PTPN18: variants seen among roughly 807,000 people sequenced by gnomAD.
PTPN18 encodes the protein protein tyrosine phosphatase non-receptor type 18.
Under a neutral mutation model 65.4 loss-of-function variants are expected in PTPN18, and 65 were observed. The observed-to-expected ratio is 0.99, with a 90% CI of 0.81 to 1.22. PTPN18 has a LOEUF of 1.22. PTPN18 is among the 50% of genes most tolerant of loss of function. The pLI is 0.00. For missense variants in PTPN18, 616 were observed against 646.5 expected, an observed-to-expected ratio of 0.95 and a Z score of 0.51; for synonymous variants, 255 against 267.8, an observed-to-expected ratio of 0.95 and a Z score of 0.47.
chr2:130,363,605 T>C (rs1680294812), intron 5 of PTPN18, among the ~76,000 whole-genome samples: 1 of 152,220 alleles, frequency 6.6e-6, no homozygotes, highest in Admixed American at 6.5e-5. Flanking sequence ...TATGTAGCCT[T>C]TTTTTGCTTA....
intron 13 of PTPN18, 62 bp from the exon 14 acceptor site, chr2:130,372,811 G>T (rs927205658): frequency 6.3e-7 from 1 of 1,582,648 alleles, no homozygotes; most frequent in African/African-American, 1.4e-5. Context: ...CCCGCTAGGG[G>T]TGGGGTCTTG....
At chr2:130,358,606 G>C (rs1680070395) in intron 1 of PTPN18, among the ~76,000 whole-genome samples, 1 of 152,052 alleles carries the variant, frequency 6.6e-6, no homozygotes, top group Non-Finnish European at 1.5e-5. Flanking sequence ...CTGCACAATG[G>C]GGACGTCAAT....
rs763372755 is a variant in PTPN18, at chr2:130,369,840, GGGA to G, written c.546+22_546+24del. On this transcript the variant is annotated intron_variant, in intron 7 of 14. Coordinates refer to ENST00000175756, the MANE Select transcript of PTPN18 (RefSeq NM_014369.4). ...CACATTCCAGAAGGTACTGTGACAG[GGGA>G]GGAGGAGGTAAAGGGGCTCCTGAAA... 2 of 1,583,392 alleles carry G rather than the reference GGGA, an allele frequency of 1.3e-6. No homozygotes were observed. Among genetic ancestry groups the G allele is most frequent in the Admixed American group, 1.7e-5 (1 of 59,804 alleles).
chr2:130,370,579 G>A lies in PTPN18; in HGVS notation c.712G>A (p.Val238Ile), dbSNP rs779911721. ...HCSAGCGRTG[V>I]LCTVDYVRQL... ...CAGTGCGGGTTGTGGGCGAACAGGC[G>A]TCCTGTGCACCGTGGATTATGTGAG... The change falls in exon 9 of 15, where the codon GTC becomes ATC. Residue 238 changes from valine (V) to isoleucine (I), a missense_variant. By Grantham distance (29) the Val-to-Ile change is conservative. Coordinates refer to ENST00000175756, the MANE Select transcript of PTPN18 (RefSeq NM_014369.4). 1.2e-5 allele frequency: 20 copies of A among 1,613,988 alleles called. No individual in the cohort carries two copies. Among genetic ancestry groups the A allele is most frequent in the Admixed American group, 1.7e-5 (1 of 59,994 alleles).
chr2:130,370,412 C>A, intron 8 of PTPN18, 145 bp from the exon 9 acceptor site: 1 of 1,172,894 alleles, frequency 8.5e-7, no homozygotes, highest in Non-Finnish European at 1.2e-6. Context: ...AAAAGGTTTT[C>A]CTTGTTCAGA....
Position 130,374,981 on chromosome 2 carries a change from A to T in PTPN18, c.*1757A>T, listed in dbSNP as rs942694504. The T allele has an allele frequency of 3.9e-6, 1 of 258,702 alleles. No homozygotes were observed. The highest frequency in any genetic ancestry group is 7.9e-6 in the Non-Finnish European group (1 of 126,956). 16.0% of individuals were successfully genotyped at this position (258,702 alleles called of 1,614,324 possible). On this transcript the variant is annotated 3_prime_UTR_variant, in exon 15 of 15. Transcript: ENST00000175756. ...CTTGGGTTTGGGTGCCCACAGTGGG[A>T]GCTGGTGTGATATCATACCTTCGCC...
At position 130,358,884 on chromosome 2, in the gene PTPN18, G is replaced by A. The variant is rs749288856; in HGVS notation, c.111G>A (p.Ser37=). The change falls in exon 2 of 15, where the codon TCG becomes TCA. Residue 37 remains serine, a synonymous_variant. Coordinates refer to ENST00000175756, the MANE Select transcript of PTPN18 (RefSeq NM_014369.4). The part of the protein sequence containing the change: ...AGEFSDIQAC[S]AAWKADGVCS... The stretch of plus-strand genomic sequence containing the variant: ...TCTACCAGGACATCCAGGCCTGCTC[G>A]GCCGCCTGGAAGGCTGACGGCGTGT... 25 of 1,613,198 alleles carry A rather than the reference G, an allele frequency of 1.5e-5. No homozygotes were observed. Among genetic ancestry groups the A allele is most frequent in the Admixed American group, 1.0e-4 (6 of 59,982 alleles).
At chr2:130,360,012 T>C (rs1221384723) in intron 5 of PTPN18, 4 of 266,338 alleles carry the variant, frequency 1.5e-5, no homozygotes, top group Non-Finnish European at 2.9e-5. Flanking sequence ...TCAGGGTCTG[T>C]GCCTTGGCTA....
intron 1 of PTPN18, among the ~76,000 whole-genome samples, chr2:130,357,921 A>G (rs950276120): frequency 1.3e-5 from 2 of 152,162 alleles, no homozygotes; most frequent in Non-Finnish European, 2.9e-5. Flanking sequence ...ATGTAGAAAC[A>G]TTGTATATAA....
In PTPN18 at chr2:130,359,384, C is replaced by A; in HGVS notation, c.280-13C>A. On this transcript the variant is annotated splice_polypyrimidine_tract_variant and intron_variant, in intron 3 of 14. Coordinates refer to ENST00000175756, the MANE Select transcript of PTPN18 (RefSeq NM_014369.4). Reference sequence around the variant, plus strand: ...GGCCGCAGAATCTCAGTCGTGAATTCGGCCTTCACCAGGGCGTGGATGGAA... The same window carrying A: ...GGCCGCAGAATCTCAGTCGTGAATTAGGCCTTCACCAGGGCGTGGATGGAA... 6.2e-7 allele frequency: 1 copy of A among 1,614,070 alleles called. No individual in the cohort carries two copies. Among genetic ancestry groups the A allele is most frequent in the South Asian group, 1.1e-5 (1 of 91,072 alleles).
Position 130,370,383 on chromosome 2 carries a change from A to C in PTPN18, c.690-174A>C. 5 of 1,104,854 alleles carry C rather than the reference A, an allele frequency of 4.5e-6. No homozygotes were observed. The South Asian group carries it at 5.6e-5, about 12-fold the overall frequency. 68.4% of individuals were successfully genotyped at this position (1,104,854 alleles called of 1,614,324 possible). A position where few individuals can be genotyped will look rare whatever the true frequency, so the allele number is the denominator to read the frequency against. ...GGGAATAAGCACACAGCTCTTGCTC[A>C]ACAAAATGTAAGTGATTAAAAAGGT... On this transcript the variant is annotated intron_variant, in intron 8 of 14. Transcript: ENST00000175756.
intron 5 of PTPN18, among the ~76,000 whole-genome samples, chr2:130,362,965 G>A (rs1026805808): frequency 1.3e-5 from 2 of 151,712 alleles, no homozygotes; most frequent in African/African-American, 2.4e-5. Context: ...GACTACAGGC[G>A]CCTGCCACCA....
chr2:130,369,382 AGTTAATCTCT>A (rs1462729613), intron 6 of PTPN18, among the ~76,000 whole-genome samples, 181 bp downstream of exon 6: 3 of 152,248 alleles, frequency 2.0e-5, no homozygotes, highest in Non-Finnish European at 4.4e-5. Context: ...GGCTACAATC[AGTTAATCTCT>A]GTCATGTAAA....
chr2:130,364,560 GC>G (rs1192036144), intron 5 of PTPN18, among the ~76,000 whole-genome samples: 1 of 152,178 alleles, frequency 6.6e-6, no homozygotes, highest in African/African-American at 2.4e-5. Context: ...ACTTTGGGAG[GC>G]CGAAGCAGGC....
At chr2:130,361,901 G>C (rs1413001413) in intron 5 of PTPN18, among the ~76,000 whole-genome samples, 1 of 151,442 alleles carries the variant, frequency 6.6e-6, no homozygotes, top group East Asian at 2.0e-4. Context: ...AATTTCTTTA[G>C]AGTTTGCATA....
At position 130,373,240 on chromosome 2, in the gene PTPN18, CTGCCTGT is replaced by C; in HGVS notation, c.*22_*28del. On this transcript the variant is annotated 3_prime_UTR_variant, in exon 15 of 15. Transcript: ENST00000175756. The surrounding 1 kb of genome is among the most constrained non-coding windows in gnomAD (Gnocchi z 4.1). ...CCGGGTGTAAGTCTAACGCCAGTTC[CTGCCTGT>C]TGCCTCTTGTGAGCTCGGACTGCTG... 1 of 1,571,046 alleles carries C rather than the reference CTGCCTGT, an allele frequency of 6.4e-7. No homozygotes were observed. Among genetic ancestry groups the C allele is most frequent in the Non-Finnish European group, 8.6e-7 (1 of 1,160,984 alleles).
At chr2:130,370,266 C>A in intron 8 of PTPN18, 76 bp downstream of exon 8, 1 of 1,580,962 alleles carries the variant, frequency 6.3e-7, no homozygotes, top group Admixed American at 1.7e-5. Context: ...GGGCATGGGG[C>A]TAGTCTTGTA....
At chr2:130,362,305 C>A in intron 5 of PTPN18, 1 of 333,438 alleles carries the variant, frequency 3.0e-6, no homozygotes. Flanking sequence ...ACAGTCTCTG[C>A]CTTTAATTGG....
chr2:130,356,351 C>T (rs1037249487), intron 1 of PTPN18, 151 bp downstream of exon 1: 13 of 594,570 alleles, frequency 2.2e-5, no homozygotes, highest in Non-Finnish European at 3.3e-5. Flanking sequence ...CTCCCCAGCA[C>T]TTCTCTGTCG....
Sources: gnomAD v4.1 joint callset for allele counts (sites outside exome capture counted in the v4.1 genomes callset) on GRCh38, gnomAD v4.1.1 for gene constraint, Gnocchi (gnomAD v3.1) non-coding constraint, MANE v1.5 for transcripts, NCBI Gene and HGNC (gene_info 2026-07-23, HGNC 2026-07-21) for gene names.